The following MAGI3 variants were observed in gnomAD, a reference collection of about 807,000 sequenced individuals.
MAGI3 encodes the protein membrane associated guanylate kinase, WW and PDZ domain containing 3.
Under a neutral mutation model 121.8 loss-of-function variants are expected in MAGI3, and 43 were observed. That is an observed-to-expected ratio of 0.35 (90% CI 0.28 to 0.46). The LOEUF (loss-of-function observed/expected upper bound fraction) is 0.46, where lower values mean the gene tolerates loss of function less well. Among genes scored for constraint, MAGI3 ranks in the 20% least tolerant of loss-of-function variants. The pLI, the probability that MAGI3 is intolerant of heterozygous loss-of-function variation, is 1.00. For synonymous variants in MAGI3, 553 were observed against 639.3 expected (o/e 0.86, Z 2.04); for missense variants, 1,547 against 1,797.3 (o/e 0.86, Z 2.52).
Position 113,683,633 on chromosome 1 carries a change from GAAA to G in MAGI3, c.4070_4072del (p.Lys1357del). 1 of 1,611,906 alleles carries G rather than the reference GAAA, an allele frequency of 6.2e-7. No homozygotes were observed. The highest frequency in any genetic ancestry group is 8.5e-7 in the Non-Finnish European group (1 of 1,179,308). ...AAAAAAGCAGAACAAGGTCTCCAGA[GAAA>G]AAAATCAAAAGAATGGTTGAGAAAT... On this transcript the variant is annotated inframe_deletion, in exon 21 of 21. Transcript: ENST00000307546.
Position 113,449,756 on chromosome 1 carries a change from T to G in MAGI3, c.316+58407T>G, listed in dbSNP as rs779060329. On this transcript the variant is annotated intron_variant, in intron 1 of 20. Transcript: ENST00000307546. ...AGTTGAGAAAACTGTTTATTGGTGG[T>G]CTGAGCTTTGAAACTACAGATGATA... 13 of 1,011,870 alleles carry G rather than the reference T, an allele frequency of 1.3e-5. No homozygotes were observed. The African/African-American group carries it at 1.6e-4, about 12-fold the overall frequency. The allele number at this position is 1,011,870 out of a possible 1,614,324, so 62.7% of individuals were successfully genotyped here.
At chr1:113,510,665 A>C (rs1358599556) in intron 1 of MAGI3, among the ~76,000 whole-genome samples, 4 of 152,194 alleles carry the variant, frequency 2.6e-5, no homozygotes, top group African/African-American at 9.6e-5. Context: ...TATCTCCAAC[A>C]TCTTATGTTG....
intron 9 of MAGI3, among the ~76,000 whole-genome samples, chr1:113,635,967 G>T (rs1446534164): frequency 6.6e-6 from 1 of 152,178 alleles, no homozygotes; most frequent in Admixed American, 6.5e-5. Context: ...GGGTGTATGT[G>T]TCGAGGAATG....
chr1:113,544,865 A>G (rs568741616), intron 1 of MAGI3, among the ~76,000 whole-genome samples: 10 of 152,196 alleles, frequency 6.6e-5, no homozygotes, highest in African/African-American at 9.7e-5. Context: ...TCCTTTTCCT[A>G]TAGTAAAAGG....
At chr1:113,636,634 A>C (rs1420280026) in intron 9 of MAGI3, among the ~76,000 whole-genome samples, 1 of 148,854 alleles carries the variant, frequency 6.7e-6, no homozygotes, top group African/African-American at 2.5e-5. Context: ...TGCTGAGGAG[A>C]GCTTTACTTC....
At chr1:113,645,022 C>CTTTTT (rs10548467) in intron 11 of MAGI3, among the ~76,000 whole-genome samples, 3 of 104,350 alleles carry the variant, frequency 2.9e-5, no homozygotes, top group Non-Finnish European at 5.6e-5. Context: ...AGCTTCTGGC[C>CTTTTT]TTTTTTTTTT....
chr1:113,642,070 T>C lies in MAGI3; in HGVS notation c.1520T>C (p.Ile507Thr), dbSNP rs150620203. The change falls in exon 10 of 21, where the codon ATT becomes ACT. Residue 507 changes from isoleucine (I) to threonine (T), a missense_variant. Ile to Thr is a moderately conservative substitution (Grantham distance 89). Coordinates refer to ENST00000307546, the MANE Select transcript of MAGI3 (RefSeq NM_001142782.2). ...PDDSEDPVVD[I>T]VAATPVINGQ... ...GACAGTGAAGATCCTGTTGTGGACA[T>C]TGTTGCTGCTACCCCTGTCATCAAT... The C allele has an allele frequency of 6.2e-7, 1 of 1,614,118 alleles. No individual in the cohort carries two copies. The highest frequency in any genetic ancestry group is 8.5e-7 in the Non-Finnish European group (1 of 1,180,006).
intron 1 of MAGI3, among the ~76,000 whole-genome samples, chr1:113,402,773 T>C (rs999591816): frequency 6.6e-6 from 1 of 152,102 alleles, no homozygotes; most frequent in Non-Finnish European, 1.5e-5. Flanking sequence ...AGAAGAGGGA[T>C]TGTGCTCTTG....
In MAGI3 at chr1:113,593,494, G is replaced by A. The variant is rs553204258; in HGVS notation, c.939-987G>A. 2.2e-4 allele frequency among the ~76,000 whole-genome samples: 33 copies of A among 152,220 alleles called. No homozygotes were observed. The South Asian group carries it at 6.6e-3, about 31-fold the overall frequency. On this transcript the variant is annotated intron_variant, in intron 5 of 20. Coordinates refer to ENST00000307546, the MANE Select transcript of MAGI3 (RefSeq NM_001142782.2). Reference sequence around the variant, plus strand: ...GGAAGTCAAGGCTGCCGTGAGCTGTGATCATGCCACTGCACTCCAACCTGT... The same window carrying A: ...GGAAGTCAAGGCTGCCGTGAGCTGTAATCATGCCACTGCACTCCAACCTGT...
chr1:113,515,985 G>A (rs1657879713), intron 1 of MAGI3, among the ~76,000 whole-genome samples: 1 of 152,006 alleles, frequency 6.6e-6, no homozygotes, highest in Admixed American at 6.6e-5. Context: ...ACCATAGGAT[G>A]TTTAGCAGCA....
At chr1:113,664,247 C>A (rs1653923907) in intron 16 of MAGI3, among the ~76,000 whole-genome samples, 1 of 152,174 alleles carries the variant, frequency 6.6e-6, no homozygotes, top group African/African-American at 2.4e-5. Context: ...GGTATCATAG[C>A]ATCATATGCT....
intron 9 of MAGI3, among the ~76,000 whole-genome samples, chr1:113,632,137 A>C (rs1488522139): frequency 6.6e-6 from 1 of 152,224 alleles, no homozygotes; most frequent in Non-Finnish European, 1.5e-5. Flanking sequence ...AAAAACTTAA[A>C]ACAGGAAAAC....
At chr1:113,482,442 T>A (rs563232950) in intron 1 of MAGI3, among the ~76,000 whole-genome samples, 1 of 152,258 alleles carries the variant, frequency 6.6e-6, no homozygotes, top group South Asian at 2.1e-4. Context: ...CAAGTGATCC[T>A]TGATCCACCT....
chr1:113,448,330 A>G (rs1654287648), intron 1 of MAGI3, among the ~76,000 whole-genome samples: 1 of 152,222 alleles, frequency 6.6e-6, no homozygotes, highest in Non-Finnish European at 1.5e-5. Context: ...GAGTGGAGTA[A>G]TATGATTATT....
intron 11 of MAGI3, among the ~76,000 whole-genome samples, chr1:113,646,150 A>C (rs1290707078): frequency 6.6e-6 from 1 of 152,022 alleles, no homozygotes; most frequent in Non-Finnish European, 1.5e-5. Flanking sequence ...TTTACTTAGA[A>C]GTGCTGCCTT....
intron 1 of MAGI3, among the ~76,000 whole-genome samples, chr1:113,533,013 C>T (rs1557807885): frequency 6.6e-6 from 1 of 152,050 alleles, no homozygotes. Context: ...TGGATTGTAC[C>T]TCTCCCCTGT....
intron 9 of MAGI3, among the ~76,000 whole-genome samples, chr1:113,623,842 G>A (rs529320931): frequency 4.0e-5 from 6 of 151,772 alleles, no homozygotes; most frequent in South Asian, 4.2e-4. Context: ...CCCTCTCACC[G>A]CCCCACCAAC....
At chr1:113,493,321 A>G (rs894591646) in intron 1 of MAGI3, among the ~76,000 whole-genome samples, 1 of 152,214 alleles carries the variant, frequency 6.6e-6, no homozygotes, top group Non-Finnish European at 1.5e-5. Context: ...ATGGTGCTAG[A>G]TAACTGACTA....
chr1:113,615,684 G>A (rs189948394), intron 7 of MAGI3, among the ~76,000 whole-genome samples: 2 of 152,142 alleles, frequency 1.3e-5, no homozygotes, highest in Non-Finnish European at 2.9e-5. Flanking sequence ...TGTCTCCTAA[G>A]GAAATGACTC....
Sources: gnomAD v4.1 joint callset for allele counts (sites outside exome capture counted in the v4.1 genomes callset) on GRCh38, gnomAD v4.1.1 for gene constraint, MANE v1.5 for transcripts, NCBI Gene and HGNC (gene_info 2026-07-23, HGNC 2026-07-21) for gene names.